The following CCDC178 variants were observed in gnomAD, a reference collection of about 807,000 sequenced individuals.
CCDC178 encodes the protein coiled-coil domain-containing protein 178.
CCDC178 carries 126 observed loss-of-function variants against 117.4 expected under a neutral mutation model. The ratio of observed to expected loss-of-function variants is 1.07; its 90% confidence interval spans 0.93 to 1.24. The LOEUF is 1.24. CCDC178 is among the 50% of genes most tolerant of loss of function. CCDC178 has a pLI of 0.00. For missense variants in CCDC178, 1,030 were observed against 986.9 expected (o/e 1.04, Z -0.59); for synonymous variants, 283 against 313.4 (o/e 0.90, Z 1.02).
chr18:33,378,435 T>C (rs1422742753), intron 5 of CCDC178, among the ~76,000 whole-genome samples: 2 of 152,158 alleles, frequency 1.3e-5, no homozygotes, highest in Non-Finnish European at 2.9e-5. Flanking sequence ...TTTTATTTCT[T>C]TCTCTCACCT....
intron 9 of CCDC178, among the ~76,000 whole-genome samples, chr18:33,338,914 G>C (rs1187795422): frequency 1.3e-5 from 2 of 151,928 alleles, no homozygotes; most frequent in African/African-American, 2.4e-5. Flanking sequence ...AAATTTCCTA[G>C]TAAAATATAA....
Position 33,293,082 on chromosome 18 carries a change from A to G in CCDC178, c.1176+77T>C, listed in dbSNP as rs1410698032. On this transcript the variant is annotated intron_variant, in intron 12 of 22. Coordinates refer to ENST00000383096, the MANE Select transcript of CCDC178 (RefSeq NM_001105528.4). ...AAAAAAATTGGCCAATTGCTATTTA[A>G]TTATTGACAAAAAAGTTTACTATTT... 33 of 1,029,680 alleles carry G rather than the reference A, an allele frequency of 3.2e-5. 1 individual carries two copies. The highest frequency in any genetic ancestry group is 5.0e-5 in the African/African-American group (3 of 59,890). The allele number at this position is 1,029,680 out of a possible 1,614,324, so 63.8% of individuals were successfully genotyped here.
intron 20 of CCDC178, among the ~76,000 whole-genome samples, chr18:33,159,983 A>G (rs1258354380): frequency 6.6e-6 from 1 of 152,144 alleles, no homozygotes; most frequent in Non-Finnish European, 1.5e-5. Context: ...AAGTGGTTAT[A>G]TTACAAAAAC....
intron 22 of CCDC178, among the ~76,000 whole-genome samples, chr18:32,944,693 G>A (rs2054307542): frequency 6.6e-6 from 1 of 152,182 alleles, no homozygotes; most frequent in East Asian, 1.9e-4. Flanking sequence ...GTTTGGCTGC[G>A]TCCCCACCCA....
At chr18:33,331,026 CTTTTTT>C (rs67153629) in intron 10 of CCDC178, among the ~76,000 whole-genome samples, 12 of 45,054 alleles carry the variant, frequency 2.7e-4, no homozygotes, top group Admixed American at 8.8e-4. Context: ...ACAAACATTG[CTTTTTT>C]TTTTTTTTTT....
At chr18:33,084,778 T>C (rs1189148658) in intron 21 of CCDC178, among the ~76,000 whole-genome samples, 35 of 149,512 alleles carry the variant, frequency 2.3e-4, no homozygotes, top group Non-Finnish European at 1.5e-5. Flanking sequence ...GCCACTGCAC[T>C]CCAGCCTGGG....
rs538589323 is a variant in CCDC178, at chr18:33,244,489, C to T, written c.1593+756G>A. On this transcript the variant is annotated intron_variant, in intron 15 of 22. Transcript: ENST00000383096. The stretch of plus-strand genomic sequence containing the variant: ...TGAGGCATTTCCCCCATGCTATTCT[C>T]ATGATAGTGAGTAAGTTCTCATGTG... Among the ~76,000 whole-genome samples the T allele has an allele frequency of 9.2e-5, 14 of 151,960 alleles. 1 individual carries two copies. The South Asian group carries it at 2.9e-3, about 31-fold the overall frequency.
At chr18:32,954,206 A>G (rs1425412346) in intron 22 of CCDC178, 1 of 152,154 alleles carries the variant, frequency 6.6e-6, no homozygotes, top group East Asian at 1.9e-4. Context: ...CCTGAATACT[A>G]TCTCAGGTAA....
intron 14 of CCDC178, among the ~76,000 whole-genome samples, chr18:33,247,522 A>G (rs1228773768): frequency 6.6e-6 from 1 of 151,906 alleles, no homozygotes; most frequent in Non-Finnish European, 1.5e-5. Context: ...TTGGATTAAT[A>G]GGAAGGAATG....
intron 21 of CCDC178, among the ~76,000 whole-genome samples, chr18:33,023,621 T>C (rs1018215204): frequency 6.6e-6 from 1 of 151,842 alleles, no homozygotes; most frequent in Admixed American, 6.6e-5. Flanking sequence ...TTAGAAGAAA[T>C]GAAAGCTACC....
intron 21 of CCDC178, among the ~76,000 whole-genome samples, chr18:33,079,916 C>T (rs1374484889): frequency 6.6e-6 from 1 of 152,174 alleles, no homozygotes; most frequent in Non-Finnish European, 1.5e-5. Context: ...TCAGCAATTC[C>T]ATTACTTGGT....
At chr18:32,981,863 G>A (rs961937176) in intron 21 of CCDC178, among the ~76,000 whole-genome samples, 1 of 152,004 alleles carries the variant, frequency 6.6e-6, no homozygotes, top group African/African-American at 2.4e-5. Flanking sequence ...CACAGTTGTT[G>A]GTTAGTGACT....
At chr18:33,335,739 TTTTTAAACC>T (rs1354679849) in intron 9 of CCDC178, among the ~76,000 whole-genome samples, 3 of 152,158 alleles carry the variant, frequency 2.0e-5, no homozygotes, top group African/African-American at 7.2e-5. Flanking sequence ...CTTGCTTTTA[TTTTTAAACC>T]TTTTCATTTC....
chr18:33,220,716 G>A (rs531602791), intron 18 of CCDC178, among the ~76,000 whole-genome samples: 8 of 152,196 alleles, frequency 5.3e-5, no homozygotes, highest in South Asian at 4.1e-4. Context: ...AATAAATGAC[G>A]TTGATAATAA....
intron 20 of CCDC178, among the ~76,000 whole-genome samples, chr18:33,208,527 G>GA (rs1245489041): frequency 2.0e-5 from 3 of 151,994 alleles, no homozygotes; most frequent in Non-Finnish European, 4.4e-5. Context: ...GATGTGTCTT[G>GA]AAAATGGAGT....
intron 2 of CCDC178, 117 bp from the exon 3 acceptor site, chr18:33,412,227 G>A: frequency 2.2e-6 from 1 of 444,956 alleles, no homozygotes; most frequent in East Asian, 3.7e-5. Flanking sequence ...TAAAATGTAA[G>A]GAAGTCCAAC....
intron 2 of CCDC178, among the ~76,000 whole-genome samples, chr18:33,426,521 G>T (rs561979850): frequency 2.6e-5 from 4 of 152,094 alleles, no homozygotes; most frequent in Non-Finnish European, 4.4e-5. Context: ...TGTATTTTAC[G>T]TTCTGTATTC....
chr18:33,416,421 T>C (rs1386142678), intron 2 of CCDC178, among the ~76,000 whole-genome samples: 1 of 126,580 alleles, frequency 7.9e-6, no homozygotes. Context: ...AGCCAGACTC[T>C]GTCTCGAAAA....
intron 6 of CCDC178, 31 bp downstream of exon 6, chr18:33,370,019 A>G (rs746113032): frequency 5.3e-6 from 8 of 1,515,042 alleles, no homozygotes; most frequent in Non-Finnish European, 6.2e-6. Context: ...AAAGCTTACC[A>G]AAATATCAGC....
Sources: allele counts gnomAD v4.1 joint callset (sites outside exome capture counted in the v4.1 genomes callset), GRCh38; gene constraint gnomAD v4.1.1; transcripts MANE v1.5; gene names NCBI Gene and HGNC (gene_info 2026-07-23, HGNC 2026-07-21).